NLN: variants seen among roughly 807,000 people sequenced by gnomAD.
NLN encodes the protein neurolysin, also known as neurolysin, mitochondrial.
Under a neutral mutation model 79.9 loss-of-function variants are expected in NLN, and 64 were observed. That is an observed-to-expected ratio of 0.80 (90% confidence interval 0.65 to 0.99). The LOEUF (loss-of-function observed/expected upper bound fraction) is 0.99, where lower values mean the gene tolerates loss of function less well. NLN is among the 50% of genes least tolerant of loss of function. NLN has a pLI of 0.00. For synonymous variants in NLN, 267 were observed against 296.6 expected (o/e 0.90, Z 1.02); for missense variants, 835 against 858.7 (o/e 0.97, Z 0.34).
At chr5:65,723,518 A>G (rs1315355856) in intron 1 of NLN, among the ~76,000 whole-genome samples, 2 of 152,146 alleles carry the variant, frequency 1.3e-5, no homozygotes, top group African/African-American at 2.4e-5. Flanking sequence ...AAATCTTCAT[A>G]TAAGAGCAAT....
At chr5:65,815,680 C>A (rs1760654102) in intron 12 of NLN, among the ~76,000 whole-genome samples, 1 of 152,132 alleles carries the variant, frequency 6.6e-6, no homozygotes, top group African/African-American at 2.4e-5. Flanking sequence ...CACCCTCACA[C>A]CCTTTGCAGA....
At chr5:65,799,474 A>G (rs1012682736) in intron 9 of NLN, among the ~76,000 whole-genome samples, 1 of 152,188 alleles carries the variant, frequency 6.6e-6, no homozygotes, top group Non-Finnish European at 1.5e-5. Flanking sequence ...ATACAGAAAT[A>G]TTCTCCCCAG....
rs538117714 is a variant in NLN at position 65,823,427 on chromosome 5, AG to A, written c.*516del. 35 of 153,218 alleles carry A rather than the reference AG, an allele frequency of 2.3e-4. No individual in the cohort carries two copies. The highest frequency in any genetic ancestry group is 3.6e-4 in the Non-Finnish European group (25 of 68,734). 9.5% of individuals were successfully genotyped at this position (153,218 alleles called of 1,614,324 possible). ...TCCTTTGCCTGCATACCTCAAGGCC[AG>A]GGGAATATGCCTCAGTGATGCATTT... On this transcript the variant is annotated 3_prime_UTR_variant, in exon 13 of 13. Transcript: ENST00000380985.
At chr5:65,792,335 A>G (rs1760078024) in intron 8 of NLN, 119 bp from the exon 9 acceptor site, 2 of 651,004 alleles carry the variant, frequency 3.1e-6, no homozygotes, top group South Asian at 3.9e-5. Context: ...TAAAAGGTAA[A>G]TTAATGTTTA....
intron 3 of NLN, among the ~76,000 whole-genome samples, chr5:65,763,497 G>A (rs1168240020): frequency 6.6e-6 from 1 of 152,136 alleles, no homozygotes; most frequent in Non-Finnish European, 1.5e-5. Flanking sequence ...GATGCTGTAT[G>A]CCGGAGTCAT....
intron 12 of NLN, among the ~76,000 whole-genome samples, chr5:65,818,136 G>T (rs1760709810): frequency 6.6e-6 from 1 of 152,142 alleles, no homozygotes; most frequent in Non-Finnish European, 1.5e-5. Context: ...ATCCCAACCA[G>T]CTGGAAGCAG....
At chr5:65,773,489 T>A (rs972549157) in intron 3 of NLN, among the ~76,000 whole-genome samples, 1 of 152,214 alleles carries the variant, frequency 6.6e-6, no homozygotes, top group African/African-American at 2.4e-5. Context: ...TCTCCATAGT[T>A]CTTTTAACGG....
In NLN at chr5:65,732,246, T is replaced by C. The variant is rs1203282298; in HGVS notation, c.41+9832T>C. Among the ~76,000 whole-genome samples the C allele has an allele frequency of 2.6e-5, 4 of 152,208 alleles. No homozygotes were observed. In the South Asian group the frequency reaches 6.2e-4, roughly 24 times the overall value. On this transcript the variant is annotated intron_variant, in intron 1 of 12. Coordinates refer to ENST00000380985, the MANE Select transcript of NLN (RefSeq NM_020726.5). ...TGAAATCTGGATTTCCCGTTCACCATAGCTTACATTAGAAAGACTCTGCCC... is the reference window on the plus strand; with the variant it reads ...TGAAATCTGGATTTCCCGTTCACCACAGCTTACATTAGAAAGACTCTGCCC...
At chr5:65,745,098 A>G (rs1161071446) in intron 1 of NLN, among the ~76,000 whole-genome samples, 1 of 151,970 alleles carries the variant, frequency 6.6e-6, no homozygotes, top group African/African-American at 2.4e-5. Context: ...GAGTGGTTTT[A>G]CTCTTTGAGA....
chr5:65,753,371 G>A (rs1181965277), intron 1 of NLN, among the ~76,000 whole-genome samples: 2 of 152,098 alleles, frequency 1.3e-5, no homozygotes, highest in East Asian at 3.9e-4. Context: ...ATAATAGGCT[G>A]GGCACGGTGG....
intron 8 of NLN, among the ~76,000 whole-genome samples, chr5:65,789,864 A>G (rs1339478014): frequency 2.0e-5 from 3 of 152,228 alleles, no homozygotes; most frequent in Non-Finnish European, 4.4e-5. Flanking sequence ...TAGTAGAAGT[A>G]GCAAAACCTT....
Position 65,722,215 on chromosome 5 carries a change from G to A in NLN, c.-159G>A. On this transcript the variant is annotated 5_prime_UTR_variant, in exon 1 of 13. It adds an upstream start codon to the 5' untranslated region. Transcript: ENST00000380985. ...CGGGGCGGGGCTGGTAGGCGCCGGC[G>A]TGGAGCTGCCGCACGTGGGAGGGCG... 1 of 381,232 alleles carries A rather than the reference G, an allele frequency of 2.6e-6. No homozygotes were observed. The highest frequency in any genetic ancestry group is 4.5e-6 in the Non-Finnish European group (1 of 220,360). The allele number at this position is 381,232 out of a possible 1,614,324, so 23.6% of individuals were successfully genotyped here.
chr5:65,804,172 C>G lies in NLN; in HGVS notation c.1528-5343C>G, dbSNP rs370309259. 2.0e-5 allele frequency among the ~76,000 whole-genome samples: 3 copies of G among 152,128 alleles called. No homozygotes were observed. The East Asian group carries it at 5.8e-4, about 29-fold the overall frequency. On this transcript the variant is annotated intron_variant, in intron 9 of 12. Coordinates refer to ENST00000380985, the MANE Select transcript of NLN (RefSeq NM_020726.5). ...TTTTTTTCCATTTTACTCTAAGATA[C>G]GGAGACAGTTAGCATTTGTGGTTAA...
chr5:65,809,907 T>G lies in NLN; in HGVS notation c.1715-130T>G, dbSNP rs1234349573. 6.3e-6 allele frequency: 7 copies of G among 1,118,980 alleles called. No homozygotes were observed. In the African/African-American group the frequency reaches 1.1e-4, roughly 17 times the overall value. 69.3% of individuals were successfully genotyped at this position (1,118,980 alleles called of 1,614,324 possible). A position where few individuals can be genotyped will look rare whatever the true frequency, so the allele number is the denominator to read the frequency against. On this transcript the variant is annotated intron_variant, in intron 10 of 12. Coordinates refer to ENST00000380985, the MANE Select transcript of NLN (RefSeq NM_020726.5). ...ACCACATCTCCTTTTAAATCTTAAG[T>G]AGAATGAGATGTCCTGCTCCCATTT...
At chr5:65,775,901 AC>A (rs1759669678) in intron 3 of NLN, among the ~76,000 whole-genome samples, 1 of 152,218 alleles carries the variant, frequency 6.6e-6, no homozygotes, top group Non-Finnish European at 1.5e-5. Flanking sequence ...TTCTGCCTCC[AC>A]TGAGGATAAC....
In NLN at chr5:65,822,950, G is replaced by A; in HGVS notation, c.*35G>A. On this transcript the variant is annotated 3_prime_UTR_variant, in exon 13 of 13. Coordinates refer to ENST00000380985, the MANE Select transcript of NLN (RefSeq NM_020726.5). ...CTTTGGTAGCCGTCCATGTCTGGAGGACAAGTCGACATCACCATGTGTTAC... is the reference window on the plus strand; with the variant it reads ...CTTTGGTAGCCGTCCATGTCTGGAGAACAAGTCGACATCACCATGTGTTAC... The A allele has an allele frequency of 1.3e-6, 2 of 1,589,202 alleles. No homozygotes were observed. The highest frequency in any genetic ancestry group is 2.2e-5 in the East Asian group (1 of 44,662).
intron 9 of NLN, among the ~76,000 whole-genome samples, chr5:65,806,674 C>A (rs140301938): frequency 6.6e-6 from 1 of 152,114 alleles, no homozygotes; most frequent in African/African-American, 2.4e-5. Flanking sequence ...CTATGAATAT[C>A]GTTGAAATGA....
intron 9 of NLN, among the ~76,000 whole-genome samples, chr5:65,805,105 A>G (rs189870539): frequency 3.3e-5 from 5 of 152,296 alleles, no homozygotes; most frequent in African/African-American, 1.2e-4. Context: ...TGCTCTTTAT[A>G]AGAGAGTGAA....
At chr5:65,739,057 T>TATATAATATA (rs1360571787) in intron 1 of NLN, among the ~76,000 whole-genome samples, 12 of 143,640 alleles carry the variant, frequency 8.4e-5, no homozygotes, top group South Asian at 2.1e-4. Context: ...TATATATAAA[T>TATATAATATA]TAGCCTGGCT....
Sources: allele counts gnomAD v4.1 joint callset (sites outside exome capture counted in the v4.1 genomes callset), GRCh38; gene constraint gnomAD v4.1.1; transcripts MANE v1.5; gene names NCBI Gene and HGNC (gene_info 2026-07-23, HGNC 2026-07-21).